The following ZSWIM7 variants were observed in gnomAD, a reference collection of about 807,000 sequenced individuals.
ZSWIM7 encodes zinc finger SWIM domain-containing protein 7.
Under a neutral mutation model 21.1 loss-of-function variants are expected in ZSWIM7, and 22 were observed. The ratio of observed to expected loss-of-function variants is 1.04; its 90% CI spans 0.74 to 1.49. The LOEUF (loss-of-function observed/expected upper bound fraction) is 1.49. Ranked by LOEUF, ZSWIM7 falls within the 40% of genes most tolerant of loss-of-function variation. The pLI is 0.00. For synonymous variants in ZSWIM7, 67 were observed against 66.5 expected (o/e 1.01, Z -0.04); for missense variants, 193 against 168.0 (o/e 1.15, Z -0.82).
At position 15,978,092 on chromosome 17, in the gene ZSWIM7, C is replaced by T. The variant is rs78445185; in HGVS notation, c.378G>A (p.Lys126=). The T allele has an allele frequency of 1.8e-3, 2,845 of 1,614,122 alleles. 47 individuals carry two copies. The African/African-American group carries it at 0.032, about 18-fold the overall frequency. Residue 126 remains lysine, a synonymous_variant, in exon 5 of 5, where the codon AAG becomes AAA. Coordinates refer to ENST00000399277, the MANE Select transcript of ZSWIM7 (RefSeq NM_001042697.2). ...CCATCAATAATATGTCAGTCAACTG[C>T]TTGTCAGAGACACTTAGCTGCTGAC... ...RTCQQLSVSD[K]QLTDILLMEK...
At position 15,987,350 on chromosome 17, in the gene ZSWIM7, G is replaced by A; in HGVS notation, c.117C>T (p.Gly39=). The A allele has an allele frequency of 6.2e-7, 1 of 1,613,200 alleles. No individual in the cohort carries two copies. The highest frequency in any genetic ancestry group is 8.5e-7 in the Non-Finnish European group (1 of 1,179,608). ...EYLLSLKFLF[G]SSATQALDLV... Reference sequence around the variant, plus strand: ...GGTCCAAGGCCTGGGTGGCTGATGAGCCAAAGAGAAACTTCAGCCTGTGAA... The same window carrying A: ...GGTCCAAGGCCTGGGTGGCTGATGAACCAAAGAGAAACTTCAGCCTGTGAA... Residue 39 remains glycine, a synonymous_variant, in exon 3 of 5, where the codon GGC becomes GGT. Coordinates refer to ENST00000399277, the MANE Select transcript of ZSWIM7 (RefSeq NM_001042697.2).
Position 15,985,894 on chromosome 17 carries a change from C to T in ZSWIM7, c.201+1372G>A, listed in dbSNP as rs900617839. 5.3e-5 allele frequency among the ~76,000 whole-genome samples: 8 copies of T among 152,276 alleles called. No homozygotes were observed. The East Asian group carries it at 1.5e-3, about 29-fold the overall frequency. ...GCTACCTAAAAACCAAAAATAAAAA[C>T]ACCAGGAAAGAGGACAGACACACCT... On this transcript the variant is annotated intron_variant, in intron 3 of 4. Transcript: ENST00000399277.
chr17:15,999,693 G>C lies in ZSWIM7; in HGVS notation c.-99C>G. 1 of 1,554,326 alleles carries C rather than the reference G, an allele frequency of 6.4e-7. No individual in the cohort carries two copies. Among genetic ancestry groups the C allele is most frequent in the South Asian group, 1.2e-5 (1 of 84,800 alleles). ...GATCCTGACCCCCCGCCGGGGCAGG[G>C]CGAGACGGAGTGACGTCGGGGCGCG... is the stretch of plus-strand genomic sequence containing the variant. On this transcript the variant is annotated 5_prime_UTR_variant, in exon 1 of 5. Coordinates refer to ENST00000399277, the MANE Select transcript of ZSWIM7 (RefSeq NM_001042697.2).
chr17:15,981,174 C>T, intron 3 of ZSWIM7, 30 bp from the exon 4 acceptor site: 2 of 1,553,408 alleles, frequency 1.3e-6, no homozygotes, highest in South Asian at 1.1e-5. Flanking sequence ...GGGATCAGAC[C>T]TCAGATGTGC....
At chr17:15,988,935 G>A (rs759723633) in intron 2 of ZSWIM7, among the ~76,000 whole-genome samples, 2 of 152,068 alleles carry the variant, frequency 1.3e-5, no homozygotes, top group African/African-American at 4.8e-5. Flanking sequence ...CAGGAGAATC[G>A]CTTGAATCCG....
At chr17:15,982,756 T>C (rs895504155) in intron 3 of ZSWIM7, among the ~76,000 whole-genome samples, 1 of 152,186 alleles carries the variant, frequency 6.6e-6, no homozygotes, top group Non-Finnish European at 1.5e-5. Context: ...GCTAAAGTGA[T>C]CCTCCCACTT....
intron 2 of ZSWIM7, among the ~76,000 whole-genome samples, chr17:15,992,931 C>T (rs542432930): frequency 6.6e-6 from 1 of 152,192 alleles, no homozygotes; most frequent in South Asian, 2.1e-4. Context: ...GGCTGGAGTG[C>T]AATGGCACAA....
intron 1 of ZSWIM7, among the ~76,000 whole-genome samples, chr17:15,996,964 G>A (rs1970562743): frequency 6.6e-6 from 1 of 152,054 alleles, no homozygotes; most frequent in South Asian, 2.1e-4. Flanking sequence ...TTCGAGTCCA[G>A]CCTAGGCAAC....
At chr17:15,984,849 G>A (rs1339943049) in intron 3 of ZSWIM7, among the ~76,000 whole-genome samples, 3 of 152,224 alleles carry the variant, frequency 2.0e-5, no homozygotes, top group Non-Finnish European at 4.4e-5. Context: ...CCTGCATGAA[G>A]CTGTTTTGGA....
At chr17:15,995,675 AC>A (rs1970544493) in intron 1 of ZSWIM7, among the ~76,000 whole-genome samples, 1 of 152,082 alleles carries the variant, frequency 6.6e-6, no homozygotes, top group Non-Finnish European at 1.5e-5. Flanking sequence ...TATAAAAGCA[AC>A]ACAGAAGCCA....
At chr17:15,991,823 AG>A (rs1361371017) in intron 2 of ZSWIM7, among the ~76,000 whole-genome samples, 1 of 151,936 alleles carries the variant, frequency 6.6e-6, no homozygotes. Flanking sequence ...CACATCACCC[AG>A]GCTGGAGTGT....
intron 3 of ZSWIM7, 31 bp from the exon 4 acceptor site, chr17:15,981,175 T>C (rs1217468838): frequency 6.4e-7 from 1 of 1,552,648 alleles, no homozygotes; most frequent in Non-Finnish European, 8.8e-7. Flanking sequence ...GGATCAGACC[T>C]CAGATGTGCT....
chr17:15,981,926 G>A (rs529132089), intron 3 of ZSWIM7, among the ~76,000 whole-genome samples: 14 of 152,224 alleles, frequency 9.2e-5, no homozygotes, highest in African/African-American at 3.4e-4. Flanking sequence ...ATAAAGATAG[G>A]TCACAGAAGA....
intron 3 of ZSWIM7, among the ~76,000 whole-genome samples, chr17:15,985,814 C>T (rs1430334366): frequency 6.6e-6 from 1 of 152,086 alleles, no homozygotes; most frequent in African/African-American, 2.4e-5. Context: ...ACCAAATATC[C>T]CAAACTAAAA....
In ZSWIM7 at chr17:15,987,380, A is replaced by G. The variant is rs772452873; in HGVS notation, c.99-12T>C. ...AGAGAAACTTCAGCCTGTGAAATAA[A>G]AACACTTCAGATTAGAAGGCCTGAT... On this transcript the variant is annotated splice_polypyrimidine_tract_variant and intron_variant, in intron 2 of 4. Transcript: ENST00000399277. The G allele has an allele frequency of 6.2e-7, 1 of 1,610,570 alleles. No homozygotes were observed. Among genetic ancestry groups the G allele is most frequent in the East Asian group, 2.2e-5 (1 of 44,826 alleles).
chr17:15,997,311 TC>T (rs1406833133), intron 1 of ZSWIM7, among the ~76,000 whole-genome samples: 30 of 152,142 alleles, frequency 2.0e-4, no homozygotes, highest in African/African-American at 7.2e-4. Flanking sequence ...ATTAAGCAAG[TC>T]CGAAGGCTCT....
chr17:15,990,539 C>T (rs1353182783), intron 2 of ZSWIM7, among the ~76,000 whole-genome samples: 1 of 151,856 alleles, frequency 6.6e-6, no homozygotes. Flanking sequence ...GCTACCACAC[C>T]CGGCCTAAGT....
chr17:15,976,803 C>A lies in ZSWIM7; in HGVS notation c.*1244G>T, dbSNP rs980283416. 5.9e-5 allele frequency: 9 copies of A among 152,236 alleles called. No individual in the cohort carries two copies. Among genetic ancestry groups the A allele is most frequent in the African/African-American group, 2.2e-4 (9 of 41,468 alleles). The allele number at this position is 152,236 out of a possible 1,614,324, so 9.4% of individuals were successfully genotyped here. ...CTGCAGTATCCCTGCAACAATATTA[C>A]ATGCTTATGAAATGCTGCAGACAGG... On this transcript the variant is annotated 3_prime_UTR_variant, in exon 5 of 5. Coordinates refer to ENST00000399277, the MANE Select transcript of ZSWIM7 (RefSeq NM_001042697.2).
At chr17:15,999,390 G>A (rs1970632227) in intron 1 of ZSWIM7, 129 bp downstream of exon 1, 2 of 1,190,054 alleles carry the variant, frequency 1.7e-6, no homozygotes, top group South Asian at 1.3e-5. Context: ...CGAACAAGAG[G>A]TTTAGAGAAC....
Sources: gnomAD v4.1 joint callset for allele counts (sites outside exome capture counted in the v4.1 genomes callset) on GRCh38, gnomAD v4.1.1 for gene constraint, MANE v1.5 for transcripts, NCBI Gene and HGNC (gene_info 2026-07-23, HGNC 2026-07-21) for gene names.